The following CNTNAP2 variants were observed in gnomAD, a reference collection of about 807,000 sequenced individuals.
CNTNAP2 encodes the protein contactin associated protein 2.
CNTNAP2 carries 98 observed loss-of-function variants against 155.2 expected under a neutral mutation model. The observed-to-expected ratio is 0.63, with a 90% CI of 0.54 to 0.75. The LOEUF (loss-of-function observed/expected upper bound fraction) is 0.75, where lower values mean the gene tolerates loss of function less well. Among genes scored for constraint, CNTNAP2 ranks in the 30% least tolerant of loss-of-function variants. CNTNAP2 has a pLI of 0.00. For synonymous variants in CNTNAP2, 651 were observed against 631.2 expected, an observed-to-expected ratio of 1.03 and a Z score of -0.47; for missense variants, 1,727 against 1,688.1, an observed-to-expected ratio of 1.02 and a Z score of -0.40.
rs1445390328 is a variant in CNTNAP2 at position 147,847,933 on chromosome 7, T to A, written c.2099-55632T>A. 3.1e-5 allele frequency among the ~76,000 whole-genome samples: 4 copies of A among 130,794 alleles called. No homozygotes were observed. In the Admixed American group the frequency reaches 3.4e-4, roughly 11 times the overall value. The allele number at this position is 130,794 out of a possible 152,430, so 85.8% of individuals were successfully genotyped here. On this transcript the variant is annotated intron_variant, in intron 13 of 23. Transcript: ENST00000361727. ...CGGGGGTCAGGGGTCAGGGACCCAC[T>A]TGAGGAGGCAGTCTGCCCGTTCTCA...
chr7:146,360,294 T>C (rs1283693347), intron 1 of CNTNAP2, among the ~76,000 whole-genome samples: 1 of 152,196 alleles, frequency 6.6e-6, no homozygotes, highest in Non-Finnish European at 1.5e-5. Flanking sequence ...AATCCTTTCA[T>C]GATATCAGTT....
At chr7:147,675,569 A>G (rs1795854959) in intron 13 of CNTNAP2, among the ~76,000 whole-genome samples, 2 of 152,072 alleles carry the variant, frequency 1.3e-5, no homozygotes, top group Non-Finnish European at 2.9e-5. Context: ...CAATCCCTCC[A>G]TGGATTGGAT....
At chr7:147,727,064 A>G (rs1273253757) in intron 13 of CNTNAP2, among the ~76,000 whole-genome samples, 1 of 151,938 alleles carries the variant, frequency 6.6e-6, no homozygotes, top group Non-Finnish European at 1.5e-5. Flanking sequence ...AAAATTGTAT[A>G]CATTAATTAT....
chr7:147,999,054 C>T (rs1801854902), intron 15 of CNTNAP2, among the ~76,000 whole-genome samples: 1 of 152,128 alleles, frequency 6.6e-6, no homozygotes, highest in Non-Finnish European at 1.5e-5. Context: ...TGAAAATACA[C>T]AATTAAAACT....
rs183057429 is a variant in CNTNAP2 at position 147,438,559 on chromosome 7, T to C, written c.1670+42779T>C. ...TTGGCCTGTAGTTTTATTTTTTTCA[T>C]GTGTCTTTGTCTGGTTTTGGAATCA... On this transcript the variant is annotated intron_variant, in intron 10 of 23. Transcript: ENST00000361727. Among the ~76,000 whole-genome samples, 190 of 152,066 alleles carry C rather than the reference T, an allele frequency of 1.2e-3. 1 individual carries two copies. The highest frequency in any genetic ancestry group is 4.5e-3 in the African/African-American group (187 of 41,536).
intron 21 of CNTNAP2, among the ~76,000 whole-genome samples, chr7:148,340,270 G>A (rs189156950): frequency 1.7e-4 from 26 of 152,204 alleles, no homozygotes; most frequent in Admixed American, 1.4e-3. Context: ...AAAACGGAGC[G>A]TGCTTTCACA....
At chr7:146,967,037 G>C (rs1035696274) in intron 3 of CNTNAP2, among the ~76,000 whole-genome samples, 1 of 152,126 alleles carries the variant, frequency 6.6e-6, no homozygotes, top group African/African-American at 2.4e-5. Context: ...TTGGGTGAAA[G>C]GAAGGGGAAA....
At chr7:148,224,025 A>T in intron 19 of CNTNAP2, among the ~76,000 whole-genome samples, 1 of 152,184 alleles carries the variant, frequency 6.6e-6, no homozygotes, top group East Asian at 1.9e-4. Context: ...TGTATGTGTT[A>T]TAAGTGGACT....
intron 1 of CNTNAP2, among the ~76,000 whole-genome samples, chr7:146,663,717 C>G (rs976124856): frequency 2.0e-5 from 3 of 152,014 alleles, no homozygotes; most frequent in African/African-American, 7.3e-5. Flanking sequence ...TATCCTATGA[C>G]CTTGGTATAC....
At chr7:146,864,990 T>TAAAA (rs55646482) in intron 3 of CNTNAP2, among the ~76,000 whole-genome samples, 1,109 of 83,892 alleles carry the variant, frequency 0.013, 48 homozygotes, top group African/African-American at 0.05. Flanking sequence ...AGAGTCTATC[T>TAAAA]AAAAAAAAAA....
chr7:146,543,460 A>T (rs907342410), intron 1 of CNTNAP2, among the ~76,000 whole-genome samples: 1 of 151,862 alleles, frequency 6.6e-6, no homozygotes, highest in African/African-American at 2.4e-5. Context: ...AGCACCATAG[A>T]TTAGTTTTGC....
chr7:147,661,542 GCTT>G (rs1224591189), intron 13 of CNTNAP2, among the ~76,000 whole-genome samples: 10 of 146,178 alleles, frequency 6.8e-5, no homozygotes, highest in Non-Finnish European at 1.0e-4. Context: ...TCTGCTAATT[GCTT>G]CTTCTTCTTC....
intron 9 of CNTNAP2, among the ~76,000 whole-genome samples, chr7:147,307,840 G>T (rs533150755): frequency 6.6e-6 from 1 of 152,112 alleles, no homozygotes; most frequent in Admixed American, 6.6e-5. Flanking sequence ...GAGATTATGG[G>T]CAACTAACAA....
intron 12 of CNTNAP2, among the ~76,000 whole-genome samples, chr7:147,596,119 A>G (rs529481908): frequency 3.9e-5 from 6 of 152,084 alleles, no homozygotes; most frequent in Middle Eastern, 3.4e-3. Flanking sequence ...GGCATCCCCA[A>G]TCTGACTTGT....
intron 9 of CNTNAP2, among the ~76,000 whole-genome samples, chr7:147,337,138 T>C (rs146274271): frequency 6.6e-6 from 1 of 152,202 alleles, no homozygotes; most frequent in African/African-American, 2.4e-5. Flanking sequence ...TGATAAAATA[T>C]TTACACAACA....
At chr7:146,630,814 A>G (rs1799498493) in intron 1 of CNTNAP2, among the ~76,000 whole-genome samples, 1 of 152,090 alleles carries the variant, frequency 6.6e-6, no homozygotes, top group South Asian at 2.1e-4. Flanking sequence ...CACAATTGCT[A>G]CAAAGAGAAT....
At chr7:146,659,532 G>A (rs1800051624) in intron 1 of CNTNAP2, among the ~76,000 whole-genome samples, 1 of 152,128 alleles carries the variant, frequency 6.6e-6, no homozygotes, top group Non-Finnish European at 1.5e-5. Context: ...CTCTAGAAGA[G>A]CTTCTCATAG....
intron 4 of CNTNAP2, among the ~76,000 whole-genome samples, chr7:147,047,031 CAAAA>C (rs1230362426): frequency 4.0e-5 from 2 of 49,864 alleles, no homozygotes; most frequent in African/African-American, 6.5e-5. Flanking sequence ...GACTCCGTGT[CAAAA>C]AAAAAAAAAA....
chr7:147,049,796 C>T (rs1318350634), intron 4 of CNTNAP2, among the ~76,000 whole-genome samples: 1 of 152,156 alleles, frequency 6.6e-6, no homozygotes, highest in African/African-American at 2.4e-5. Context: ...ACAATGTGAG[C>T]ACTGTTTCTG....
Sources: allele counts gnomAD v4.1 joint callset (sites outside exome capture counted in the v4.1 genomes callset), GRCh38; gene constraint gnomAD v4.1.1; transcripts MANE v1.5; gene names NCBI Gene and HGNC (gene_info 2026-07-23, HGNC 2026-07-21).